SCG5: variants seen among roughly 807,000 people sequenced by gnomAD.
The protein encoded by SCG5 is neuroendocrine protein 7B2.
SCG5 carries 18 observed loss-of-function variants against 25.7 expected under a neutral mutation model. The ratio of observed to expected loss-of-function variants is 0.70; its 90% CI spans 0.48 to 1.04. SCG5 has a LOEUF of 1.04. Ranked by LOEUF, SCG5 falls within the 50% of genes least tolerant of loss-of-function variation. SCG5 has a pLI of 0.00. For synonymous variants in SCG5, 101 were observed against 91.7 expected, an observed-to-expected ratio of 1.10 and a Z score of -0.58; for missense variants, 206 against 259.8, an observed-to-expected ratio of 0.79 and a Z score of 1.42.
intron 2 of SCG5, among the ~76,000 whole-genome samples, chr15:32,654,976 G>C (rs1026104135): frequency 6.6e-6 from 1 of 152,146 alleles, no homozygotes; most frequent in Non-Finnish European, 1.5e-5. Context: ...CTCACACTTG[G>C]TCACTTAGGA....
rs77347591 is a variant in SCG5 at position 32,690,886 on chromosome 15, T to TA, written c.490-816dup. Among the ~76,000 whole-genome samples the TA allele has an allele frequency of 7.7e-4, 116 of 150,366 alleles. 1 individual carries two copies. The East Asian group carries it at 0.017, about 22-fold the overall frequency. ...CTTTTATACATCATTTTCCTCCAGA[T>TA]AAAAAAAATCAAATAAATAAAACAA... is the stretch of plus-strand genomic sequence containing the variant. On this transcript the variant is annotated intron_variant, in intron 4 of 5. Transcript: ENST00000300175.
In SCG5 at chr15:32,696,726, T is replaced by A. The variant is rs1483569314; in HGVS notation, c.*117T>A. On this transcript the variant is annotated 3_prime_UTR_variant, in exon 6 of 6. Transcript: ENST00000300175. ...TGTTTCTTACATAGATAATTATGGA[T>A]ACAAAGCAGCTGTATGTAGATAGTG... 4.5e-6 allele frequency: 3 copies of A among 666,136 alleles called. No individual in the cohort carries two copies. In the East Asian group the frequency reaches 8.2e-5, roughly 18 times the overall value. The allele number at this position is 666,136 out of a possible 1,614,324, so 41.3% of individuals were successfully genotyped here.
At chr15:32,665,978 T>G (rs989567348) in intron 2 of SCG5, 3 of 152,206 alleles carry the variant, frequency 2.0e-5, no homozygotes, top group Non-Finnish European at 4.4e-5. Flanking sequence ...TGGTTCTAAT[T>G]AAAATTTTTA....
chr15:32,679,233 C>T (rs936911337), intron 2 of SCG5, among the ~76,000 whole-genome samples: 5 of 150,392 alleles, frequency 3.3e-5, no homozygotes, highest in African/African-American at 4.9e-5. Flanking sequence ...TTTGCTCTGT[C>T]GCTCAGGCTG....
At chr15:32,671,660 G>A (rs2054426222) in intron 2 of SCG5, among the ~76,000 whole-genome samples, 1 of 151,616 alleles carries the variant, frequency 6.6e-6, no homozygotes, top group East Asian at 1.9e-4. Flanking sequence ...AAGTGATGGC[G>A]CTTTTTGTAA....
At chr15:32,667,763 C>T (rs943242751) in intron 2 of SCG5, among the ~76,000 whole-genome samples, 3 of 151,704 alleles carry the variant, frequency 2.0e-5, no homozygotes, top group Non-Finnish European at 2.9e-5. Flanking sequence ...GCCTCCGCCT[C>T]CTGGGTGCAA....
At chr15:32,668,527 G>A (rs1276435582) in intron 2 of SCG5, among the ~76,000 whole-genome samples, 2 of 152,226 alleles carry the variant, frequency 1.3e-5, no homozygotes, top group African/African-American at 2.4e-5. Context: ...TGGCCAGTGC[G>A]GAACCAGGTC....
chr15:32,671,560 G>A (rs1007696367), intron 2 of SCG5, among the ~76,000 whole-genome samples: 29 of 152,228 alleles, frequency 1.9e-4, no homozygotes, highest in Middle Eastern at 3.4e-3. Context: ...AGACAATAGC[G>A]TGTGGTGGAA....
intron 2 of SCG5, among the ~76,000 whole-genome samples, chr15:32,644,493 T>G (rs943491471): frequency 1.3e-5 from 2 of 152,230 alleles, no homozygotes; most frequent in Admixed American, 1.3e-4. Context: ...GTTTTCCAAG[T>G]TTCTGGCAAT....
chr15:32,657,419 G>T (rs1294872045), intron 2 of SCG5, among the ~76,000 whole-genome samples: 1 of 151,158 alleles, frequency 6.6e-6, no homozygotes, highest in Non-Finnish European at 1.5e-5. Context: ...TAATGAGGAT[G>T]GATGCTTTCT....
chr15:32,695,011 C>CT (rs10718630), intron 5 of SCG5, among the ~76,000 whole-genome samples: 5 of 123,678 alleles, frequency 4.0e-5, no homozygotes, highest in Non-Finnish European at 3.6e-5. Context: ...TTCTTTCTTT[C>CT]TTTTTTTTTT....
At chr15:32,690,806 G>T (rs73373048) in intron 4 of SCG5, among the ~76,000 whole-genome samples, 5,774 of 141,930 alleles carry the variant, frequency 0.041, 391 homozygotes, top group African/African-American at 0.14. Context: ...GGTTGTCTTT[G>T]TTTTTTTTTT....
intron 3 of SCG5, among the ~76,000 whole-genome samples, chr15:32,681,485 CTT>C (rs61387158): frequency 1.6e-4 from 22 of 139,952 alleles, no homozygotes; most frequent in Admixed American, 1.4e-4. Flanking sequence ...TTTTCTTTTT[CTT>C]TTTTTTTTTT....
At chr15:32,690,303 A>G (rs1277757020) in intron 4 of SCG5, among the ~76,000 whole-genome samples, 3 of 152,312 alleles carry the variant, frequency 2.0e-5, no homozygotes, top group Non-Finnish European at 4.4e-5. Context: ...GCTGAAAACA[A>G]TGGTACACAT....
intron 4 of SCG5, 29 bp downstream of exon 4, chr15:32,684,698 T>C (rs930464255): frequency 1.3e-6 from 2 of 1,509,138 alleles, no homozygotes; most frequent in Non-Finnish European, 1.8e-6. Context: ...GTTAGTAGAT[T>C]TTGCACTTTG....
rs1472561731 is a variant in SCG5 at position 32,643,794 on chromosome 15, CT to C, written c.204del (p.Val69TrpfsTer30). Reference sequence around the variant, plus strand: ...ATATCCAGCTCACCAGGCCATGAATCTTGTGGGCCCCCAGAGCATTGAAGGT... The same window carrying C: ...ATATCCAGCTCACCAGGCCATGAATCTGTGGGCCCCCAGAGCATTGAAGGT... ...VEYPAHQAMN[L>X]VGPQSIEGGA... On this transcript the variant is annotated frameshift_variant, in exon 2 of 6. Transcript: ENST00000300175. LOFTEE classifies it high-confidence loss of function. 1.2e-6 allele frequency: 2 copies of C among 1,613,756 alleles called. No homozygotes were observed. The highest frequency in any genetic ancestry group is 1.1e-5 in the South Asian group (1 of 91,074).
chr15:32,669,227 G>C (rs570516422), intron 2 of SCG5: 1 of 152,358 alleles, frequency 6.6e-6, no homozygotes, highest in African/African-American at 2.4e-5. Context: ...AGAACAGAGA[G>C]GTGGGGCTCA....
Position 32,691,781 on chromosome 15 carries a change from G to A in SCG5, c.543+18G>A, listed in dbSNP as rs1240551853. 6.2e-7 allele frequency: 1 copy of A among 1,611,160 alleles called. No homozygotes were observed. Reference sequence around the variant, plus strand: ...AGCGGAGGGTAACACGTGCCTGGCTGGATTGTTGCGGGGATGCTTGGAGCT... The same window carrying A: ...AGCGGAGGGTAACACGTGCCTGGCTAGATTGTTGCGGGGATGCTTGGAGCT... On this transcript the variant is annotated intron_variant, in intron 5 of 5. Coordinates refer to ENST00000300175, the MANE Select transcript of SCG5 (RefSeq NM_001144757.3).
intron 4 of SCG5, among the ~76,000 whole-genome samples, chr15:32,688,925 G>C (rs922086949): frequency 6.9e-6 from 1 of 145,834 alleles, no homozygotes; most frequent in African/African-American, 2.6e-5. Flanking sequence ...TGCCACTGCA[G>C]TCCGGCCTGG....
Sources: allele counts gnomAD v4.1 joint callset (sites outside exome capture counted in the v4.1 genomes callset), GRCh38; gene constraint gnomAD v4.1.1; transcripts MANE v1.5; gene names NCBI Gene and HGNC (gene_info 2026-07-23, HGNC 2026-07-21).